The following HPSE2 variants were observed in gnomAD, a reference collection of about 807,000 sequenced individuals.
HPSE2 encodes inactive heparanase-2.
In HPSE2, 38 loss-of-function variants were observed where a neutral mutation model predicts 60.5. The ratio of observed to expected loss-of-function variants is 0.63; its 90% CI spans 0.48 to 0.82. The LOEUF (loss-of-function observed/expected upper bound fraction) is 0.82, where lower values mean the gene tolerates loss of function less well. HPSE2 is among the 40% of genes least tolerant of loss of function. HPSE2 has a pLI of 0.00. For missense variants in HPSE2, 713 were observed against 740.4 expected, an observed-to-expected ratio of 0.96 and a Z score of 0.43; for synonymous variants, 295 against 293.2, an observed-to-expected ratio of 1.01 and a Z score of -0.06.
chr10:99,098,731 A>G (rs563828127), intron 3 of HPSE2, among the ~76,000 whole-genome samples: 36 of 152,334 alleles, frequency 2.4e-4, no homozygotes, highest in African/African-American at 8.2e-4. Flanking sequence ...TCACAGAATC[A>G]GCTTCACTTA....
intron 3 of HPSE2, among the ~76,000 whole-genome samples, chr10:98,814,961 A>T (rs1951251323): frequency 6.6e-6 from 1 of 150,916 alleles, no homozygotes; most frequent in African/African-American, 2.5e-5. Context: ...GCTGAGAATA[A>T]CTAGAAAAAA....
the HPSE2 span, among the ~76,000 whole-genome samples, chr10:99,285,634 T>C: frequency 7.3e-5 from 11 of 151,498 alleles, no homozygotes; most frequent in Non-Finnish European, 1.6e-4. Flanking sequence ...CCAAAGAAAA[T>C]ATATAAATGA....
intron 3 of HPSE2, among the ~76,000 whole-genome samples, chr10:98,882,758 T>G (rs919562850): frequency 1.3e-5 from 2 of 152,062 alleles, no homozygotes; most frequent in South Asian, 4.1e-4. Flanking sequence ...ACAGAGAGTT[T>G]ATGGGAAGTT....
intron 6 of HPSE2, among the ~76,000 whole-genome samples, chr10:98,682,693 T>C (rs478005): frequency 0.35 from 53,852 of 152,028 alleles, 9,783 homozygotes; most frequent in Admixed American, 0.41. Flanking sequence ...TTTCACACCA[T>C]GGTAAAGTCA....
the HPSE2 span, among the ~76,000 whole-genome samples, chr10:99,305,979 G>GCGCACGCACACACACACA: frequency 1.4e-4 from 11 of 80,586 alleles, no homozygotes; most frequent in African/African-American, 4.3e-4. Context: ...GCGCGCGCGC[G>GCGCACGCACACACACACA]CACACACACA....
chr10:98,951,489 T>C (rs934680634), intron 3 of HPSE2, among the ~76,000 whole-genome samples: 2 of 151,982 alleles, frequency 1.3e-5, no homozygotes, highest in African/African-American at 4.8e-5. Flanking sequence ...AAAAAAATAA[T>C]ACATGAGGTA....
chr10:98,536,981 A>G (rs1488098569), intron 9 of HPSE2, among the ~76,000 whole-genome samples: 1 of 152,208 alleles, frequency 6.6e-6, no homozygotes, highest in Non-Finnish European at 1.5e-5. Flanking sequence ...TTTATTCCAG[A>G]GGCAGTGAAT....
intron 2 of HPSE2, among the ~76,000 whole-genome samples, chr10:99,215,326 G>A (rs1160767104): frequency 6.6e-6 from 1 of 152,208 alleles, no homozygotes; most frequent in Non-Finnish European, 1.5e-5. Context: ...CATGGATGAA[G>A]CTGTAAGCCA....
intron 9 of HPSE2, among the ~76,000 whole-genome samples, chr10:98,526,329 G>C (rs1337824998): frequency 6.6e-6 from 1 of 152,192 alleles, no homozygotes; most frequent in Non-Finnish European, 1.5e-5. Context: ...CTGTGAAATA[G>C]AATGTGTGTA....
At chr10:98,566,494 A>G (rs550220086) in intron 9 of HPSE2, among the ~76,000 whole-genome samples, 1 of 152,204 alleles carries the variant, frequency 6.6e-6, no homozygotes, top group Non-Finnish European at 1.5e-5. Flanking sequence ...CTTTTATGTA[A>G]GTTCCTTACC....
chr10:98,708,986 G>A (rs760744308), intron 5 of HPSE2, among the ~76,000 whole-genome samples: 8 of 152,126 alleles, frequency 5.3e-5, no homozygotes, highest in Non-Finnish European at 7.3e-5. Context: ...TTCCCTGAAC[G>A]TTAGGCTTTC....
chr10:99,123,651 G>A (rs997463155), intron 3 of HPSE2, among the ~76,000 whole-genome samples: 3 of 152,206 alleles, frequency 2.0e-5, no homozygotes, highest in African/African-American at 7.2e-5. Context: ...AAAACTAGGG[G>A]TGAGCAAGGC....
At chr10:98,748,074 G>T (rs1013374077) in intron 3 of HPSE2, among the ~76,000 whole-genome samples, 1 of 152,172 alleles carries the variant, frequency 6.6e-6, no homozygotes, top group Non-Finnish European at 1.5e-5. Flanking sequence ...TGAGGTGGGT[G>T]AATCATCTGA....
intron 6 of HPSE2, among the ~76,000 whole-genome samples, chr10:98,668,093 A>G (rs550527242): frequency 2.0e-5 from 3 of 152,356 alleles, no homozygotes; most frequent in African/African-American, 7.2e-5. Flanking sequence ...ATCAATATAC[A>G]GAAATCGGTG....
intron 3 of HPSE2, among the ~76,000 whole-genome samples, chr10:98,909,383 C>T (rs951559673): frequency 6.7e-6 from 1 of 150,282 alleles, no homozygotes; most frequent in African/African-American, 2.5e-5. Flanking sequence ...CTAATCCCAG[C>T]ACTTTGGGAG....
At chr10:98,938,026 G>T (rs1384144194) in intron 3 of HPSE2, among the ~76,000 whole-genome samples, 3 of 143,350 alleles carry the variant, frequency 2.1e-5, no homozygotes, top group African/African-American at 8.5e-5. Context: ...GCAGCTGAGG[G>T]TCCTGTCTGT....
upstream of HPSE2, among the ~76,000 whole-genome samples, chr10:99,237,017 T>G (rs955931716): frequency 6.6e-6 from 1 of 152,102 alleles, no homozygotes; most frequent in African/African-American, 2.4e-5. Context: ...CAGAGTCACA[T>G]AGCCCTGGAT....
rs571338270 is a variant in HPSE2, at chr10:98,990,233, T to C, written c.610+154005A>G. Among the ~76,000 whole-genome samples the C allele has an allele frequency of 2.6e-5, 4 of 152,362 alleles. No homozygotes were observed. The South Asian group carries it at 8.3e-4, about 32-fold the overall frequency. ...CAAGAAATTGGTTTATTATGGTCTC[T>C]GTGCAGTCAAACTTCTCTGCTAATG... On this transcript the variant is annotated intron_variant, in intron 3 of 11. Coordinates refer to ENST00000370552, the MANE Select transcript of HPSE2 (RefSeq NM_021828.5).
Position 98,596,460 on chromosome 10 carries a change from C to G in HPSE2, c.1320+18444G>C, listed in dbSNP as rs111633214. On this transcript the variant is annotated intron_variant, in intron 9 of 11. Coordinates refer to ENST00000370552, the MANE Select transcript of HPSE2 (RefSeq NM_021828.5). ...ATTTTTACCCTATGTTTTCACGTTA[C>G]TAATTAGCATCCTTTTTTTTTTTCA... Among the ~76,000 whole-genome samples the G allele has an allele frequency of 5.7e-3, 656 of 115,138 alleles. 4 individuals are homozygous for G. The highest frequency in any genetic ancestry group is 0.017 in the African/African-American group (632 of 37,116). The allele number at this position is 115,138 out of a possible 152,430, so 75.5% of individuals were successfully genotyped here.
Sources: allele counts gnomAD v4.1 joint callset (sites outside exome capture counted in the v4.1 genomes callset), GRCh38; gene constraint gnomAD v4.1.1; transcripts MANE v1.5; gene names NCBI Gene and HGNC (gene_info 2026-07-23, HGNC 2026-07-21).